The following PIK3C2B variants were observed in gnomAD, a reference collection of about 807,000 sequenced individuals.
PIK3C2B encodes the protein phosphatidylinositol-4-phosphate 3-kinase catalytic subunit type 2 beta.
PIK3C2B carries 83 observed loss-of-function variants against 184.3 expected under a neutral mutation model. The ratio of observed to expected loss-of-function variants is 0.45; its 90% CI spans 0.38 to 0.54. PIK3C2B has a LOEUF of 0.54. PIK3C2B is among the 20% of genes least tolerant of loss of function. The pLI is 0.00. For synonymous variants in PIK3C2B, 779 were observed against 837.6 expected (o/e 0.93, Z 1.21); for missense variants, 1,736 against 2,113.5 (o/e 0.82, Z 3.50).
At position 204,469,358 on chromosome 1, in the gene PIK3C2B, C is replaced by T. The variant is rs1017903824; in HGVS notation, c.445G>A (p.Gly149Ser). The T allele has an allele frequency of 2.0e-6, 3 of 1,526,460 alleles. No homozygotes were observed. Among genetic ancestry groups the T allele is most frequent in the Middle Eastern group, 1.8e-4 (1 of 5,652 alleles). 94.6% of individuals were successfully genotyped at this position (1,526,460 alleles called of 1,614,324 possible). The change falls in exon 2 of 33, where the codon GGC (glycine) becomes AGC (serine). Residue 149 changes from glycine (G) to serine (S), a missense_variant. Coordinates refer to ENST00000684373, the MANE Select transcript of PIK3C2B (RefSeq NM_001377334.1). The part of the protein sequence containing the change: ...SSSPGPGDIE[G>S]SCKKLSPPPL... ...GGTGGGGATAGTTTCTTGCAAGAGCCCTCTATGTCCCCTGGTCCTGGGGAC... is the reference window on the plus strand; with the variant it reads ...GGTGGGGATAGTTTCTTGCAAGAGCTCTCTATGTCCCCTGGTCCTGGGGAC...
Position 204,450,251 on chromosome 1 carries a change from G to C in PIK3C2B, c.2067-234C>G, listed in dbSNP as rs539300932. On this transcript the variant is annotated intron_variant, in intron 12 of 32. Coordinates refer to ENST00000684373, the MANE Select transcript of PIK3C2B (RefSeq NM_001377334.1). ...GTGGTGTCCTTGGAGCTTTGCAGTA[G>C]AGTGAGGCGAACATCCCGATTTTGA... 4 of 442,990 alleles carry C rather than the reference G, an allele frequency of 9.0e-6. No homozygotes were observed. The East Asian group carries it at 1.4e-4, about 16-fold the overall frequency. 27.4% of individuals were successfully genotyped at this position (442,990 alleles called of 1,614,324 possible). A position where few individuals can be genotyped will look rare whatever the true frequency, so the allele number is the denominator to read the frequency against.
rs779481733 is a variant in PIK3C2B at position 204,449,153 on chromosome 1, T to C, written c.2346+32A>G. On this transcript the variant is annotated intron_variant, in intron 14 of 32. Coordinates refer to ENST00000684373, the MANE Select transcript of PIK3C2B (RefSeq NM_001377334.1). ...GTAGAGTTGACTGGAATGGTCTTGC[T>C]GGTGACTGGGAGGGAAGGGCTAAAG... is the stretch of plus-strand genomic sequence containing the variant. The C allele has an allele frequency of 4.9e-6, 7 of 1,433,670 alleles. No individual in the cohort carries two copies. In the South Asian group the frequency reaches 8.3e-5, roughly 17 times the overall value. The allele number at this position is 1,433,670 out of a possible 1,614,324, so 88.8% of individuals were successfully genotyped here.
chr1:204,432,586 T>C (rs1325500182), intron 26 of PIK3C2B, among the ~76,000 whole-genome samples, 185 bp from the exon 27 acceptor site: 2 of 152,162 alleles, frequency 1.3e-5, no homozygotes, highest in Admixed American at 6.5e-5. Flanking sequence ...AATTTGCTCA[T>C]GTGAACCCCA....
intron 5 of PIK3C2B, 67 bp from the exon 6 acceptor site, chr1:204,460,728 T>C: frequency 2.1e-6 from 2 of 969,444 alleles, no homozygotes; most frequent in Non-Finnish European, 3.4e-6. Flanking sequence ...ATACATACCT[T>C]AGCCTTGGGG....
chr1:204,475,221 C>G (rs1656623339), intron 1 of PIK3C2B, among the ~76,000 whole-genome samples: 1 of 152,174 alleles, frequency 6.6e-6, no homozygotes, highest in African/African-American at 2.4e-5. Context: ...CTATAAGACT[C>G]TCTCCTGCCC....
intron 14 of PIK3C2B, among the ~76,000 whole-genome samples, chr1:204,448,611 C>T (rs1654076016): frequency 7.1e-6 from 1 of 141,058 alleles, no homozygotes; most frequent in Non-Finnish European, 1.5e-5. Flanking sequence ...GCATTCCAGC[C>T]TGGGTGACAG....
Position 204,463,971 on chromosome 1 carries a change from C to T in PIK3C2B, c.1310+41G>A, listed in dbSNP as rs200887364. 4.8e-5 allele frequency: 77 copies of T among 1,604,330 alleles called. No individual in the cohort carries two copies. In the African/African-American group the frequency reaches 9.7e-4, roughly 20 times the overall value. On this transcript the variant is annotated intron_variant, in intron 5 of 32. Transcript: ENST00000684373. ...CCCATGAAGCCCCCTCACAATCTTA[C>T]TACCAGGAAGGCAGGGGCTACCTCC...
intron 5 of PIK3C2B, among the ~76,000 whole-genome samples, chr1:204,461,382 C>T (rs1655324619): frequency 6.6e-6 from 1 of 152,178 alleles, no homozygotes; most frequent in Non-Finnish European, 1.5e-5. Context: ...TCTCCCAAAT[C>T]ACACCTTCAA....
At chr1:204,431,648 G>A in intron 28 of PIK3C2B, 21 bp downstream of exon 28, 1 of 1,613,650 alleles carries the variant, frequency 6.2e-7, no homozygotes, top group Non-Finnish European at 8.5e-7. Context: ...CCTCTGTGCA[G>A]ATAGTAAAGG....
intron 1 of PIK3C2B, among the ~76,000 whole-genome samples, chr1:204,476,008 C>T (rs890900139): frequency 6.6e-5 from 10 of 152,134 alleles, no homozygotes; most frequent in Admixed American, 2.0e-4. Context: ...CAGCATCCCC[C>T]ACAGGACCAA....
In PIK3C2B at chr1:204,443,477, A is replaced by T. The variant is rs1347925512; in HGVS notation, c.2988T>A (p.Leu996=). ...GGGCCAGTTTGGCCAGGGCATTGAC[A>T]AGCCAGCACTGGCGGTTAAACTCTT... The part of the protein sequence containing the change: ...LREEFNRQCW[L]VNALAKLAQQ... The change falls in exon 19 of 33, where the codon CTT becomes CTA. Residue 996 remains leucine (L), a synonymous_variant. Transcript: ENST00000684373. 1 of 1,614,254 alleles carries T rather than the reference A, an allele frequency of 6.2e-7. No homozygotes were observed. The highest frequency in any genetic ancestry group is 8.5e-7 in the Non-Finnish European group (1 of 1,180,052).
At chr1:204,462,486 C>T (rs955832737) in intron 5 of PIK3C2B, among the ~76,000 whole-genome samples, 6 of 152,216 alleles carry the variant, frequency 3.9e-5, no homozygotes, top group East Asian at 3.8e-4. Context: ...TGTGTAATGG[C>T]GTCAGCAGGA....
At chr1:204,456,994 T>C (rs1458049541) in intron 10 of PIK3C2B, 43 bp downstream of exon 10, 8 of 1,546,030 alleles carry the variant, frequency 5.2e-6, no homozygotes, top group African/African-American at 1.4e-5. Context: ...GACTGCAGTT[T>C]TCGGCAGCCC....
intron 1 of PIK3C2B, among the ~76,000 whole-genome samples, chr1:204,489,371 T>C (rs1360290534): frequency 6.6e-6 from 1 of 152,036 alleles, no homozygotes; most frequent in Admixed American, 6.6e-5. Context: ...AAGGTCTTGC[T>C]ATGTTGCCCA....
intron 23 of PIK3C2B, among the ~76,000 whole-genome samples, chr1:204,437,255 G>A (rs1356782352): frequency 6.6e-6 from 1 of 152,138 alleles, no homozygotes; most frequent in Non-Finnish European, 1.5e-5. Context: ...AGCACTATGG[G>A]AGGCTGAGGT....
chr1:204,449,192 A>T lies in PIK3C2B; in HGVS notation c.2339T>A (p.Ile780Asn), dbSNP rs1205898076. 6 of 1,608,304 alleles carry T rather than the reference A, an allele frequency of 3.7e-6. No homozygotes were observed. Among genetic ancestry groups the T allele is most frequent in the Non-Finnish European group, 5.1e-6 (6 of 1,176,574 alleles). Residue 780 changes from isoleucine to asparagine, a missense_variant, in exon 14 of 33, where the codon ATC becomes AAC. Ile to Asn is a moderately radical substitution (Grantham distance 149). Around this residue, in one of 8 missense-constraint regions of PIK3C2B, gnomAD observed 609 missense variants for 699.2 expected, o/e 0.87. Coordinates refer to ENST00000684373, the MANE Select transcript of PIK3C2B (RefSeq NM_001377334.1). ...APNFHQPDSV[I>N]LQIDFPTSAF... ...GAAGGGCTAAAGCCTCACCTGCAGG[A>T]TGACACTGTCTGGCTGGTGGAAATT...
Position 204,460,665 on chromosome 1 carries a change from G to A in PIK3C2B, c.1311-4C>T, listed in dbSNP as rs762855329. ...ATGACTGCCCAAGGCATGCTTGCTG[G>A]TAGGGTAGAGGGACAAGACCATTAG... On this transcript the variant is annotated splice_polypyrimidine_tract_variant and splice_region_variant and intron_variant, in intron 5 of 32. Transcript: ENST00000684373. 6.3e-7 allele frequency: 1 copy of A among 1,586,868 alleles called. No individual in the cohort carries two copies. Among genetic ancestry groups the A allele is most frequent in the South Asian group, 1.1e-5 (1 of 90,518 alleles).
chr1:204,486,603 G>A (rs1657612802), intron 1 of PIK3C2B, among the ~76,000 whole-genome samples: 1 of 151,936 alleles, frequency 6.6e-6, no homozygotes, highest in African/African-American at 2.4e-5. Flanking sequence ...GAAGGCAGGT[G>A]CCTGTAATCC....
At chr1:204,450,285 G>T (rs562950966) in intron 12 of PIK3C2B, among the ~76,000 whole-genome samples, 1 of 152,184 alleles carries the variant, frequency 6.6e-6, no homozygotes, top group Non-Finnish European at 1.5e-5. Flanking sequence ...GAAGCTACCC[G>T]TGGTGCCTGG....
Sources: gnomAD v4.1 joint callset for allele counts (sites outside exome capture counted in the v4.1 genomes callset) on GRCh38, gnomAD v4.1.1 for gene constraint, gnomAD v4.1.1 regional missense constraint, MANE v1.5 for transcripts, NCBI Gene and HGNC (gene_info 2026-07-23, HGNC 2026-07-21) for gene names.